Variants in FOXP2 observed in about 807,000 individuals in gnomAD.
FOXP2 encodes the protein forkhead box protein P2.
A neutral mutation model predicts 115.8 loss-of-function variants in FOXP2; 12 were observed. The ratio of observed to expected loss-of-function variants is 0.10; its 90% CI spans 0.07 to 0.17. FOXP2 has a LOEUF of 0.17. FOXP2 is among the 10% of genes least tolerant of loss of function. FOXP2 has a pLI of 1.00. For missense variants in FOXP2, 629 were observed against 843.5 expected, an observed-to-expected ratio of 0.75 and a Z score of 3.15; for synonymous variants, 328 against 297.7, an observed-to-expected ratio of 1.10 and a Z score of -1.05.
intron 2 of FOXP2, among the ~76,000 whole-genome samples, chr7:114,399,228 C>G (rs937030839): frequency 1.3e-5 from 2 of 151,826 alleles, no homozygotes; most frequent in Non-Finnish European, 2.9e-5. Flanking sequence ...CTGACTCAGC[C>G]TCCCGAGTAG....
At chr7:114,643,089 G>A (rs1388191761) in intron 7 of FOXP2, among the ~76,000 whole-genome samples, 2 of 151,774 alleles carry the variant, frequency 1.3e-5, no homozygotes, top group African/African-American at 2.4e-5. Context: ...GGGATTACAG[G>A]CGTGAGCCAC....
At chr7:114,419,079 T>C (rs1334587572) in intron 1 of FOXP2, among the ~76,000 whole-genome samples, 1 of 151,976 alleles carries the variant, frequency 6.6e-6, no homozygotes, top group Non-Finnish European at 1.5e-5. Flanking sequence ...AAATGCTAAG[T>C]TACAGAATAC....
chr7:114,599,932 T>C (rs1802931713), intron 3 of FOXP2, among the ~76,000 whole-genome samples: 1 of 152,112 alleles, frequency 6.6e-6, no homozygotes, highest in Admixed American at 6.6e-5. Flanking sequence ...TCCCTTATAC[T>C]CCCTCTTCCA....
chr7:114,330,801 A>G (rs1407129995), intron 2 of FOXP2, among the ~76,000 whole-genome samples: 2 of 152,156 alleles, frequency 1.3e-5, no homozygotes, highest in Non-Finnish European at 1.5e-5. Context: ...ATATCTGTTT[A>G]TAGTTTCGAT....
At chr7:114,526,977 G>C (rs1584853712) in intron 2 of FOXP2, among the ~76,000 whole-genome samples, 1 of 143,822 alleles carries the variant, frequency 7.0e-6, no homozygotes, top group African/African-American at 2.6e-5. Flanking sequence ...CTGGGCCCTT[G>C]TAACCACTAA....
chr7:114,298,394 T>C (rs1033898539), intron 2 of FOXP2, among the ~76,000 whole-genome samples: 1 of 152,216 alleles, frequency 6.6e-6, no homozygotes, highest in Non-Finnish European at 1.5e-5. Flanking sequence ...TTGATATTAC[T>C]GTCTGGTCTC....
In FOXP2 at chr7:114,691,800, C is replaced by G. The variant is rs1274946808; in HGVS notation, c.*1874C>G. On this transcript the variant is annotated 3_prime_UTR_variant, in exon 17 of 17. Transcript: ENST00000350908. ...TTGCAAACTAAGCTCATCATTGATT[C>G]TTTGCTGAAGTCAGCAAATAGAGTT... is the stretch of plus-strand genomic sequence containing the variant. 1 of 453,344 alleles carries G rather than the reference C, an allele frequency of 2.2e-6. No homozygotes were observed. 28.1% of individuals were successfully genotyped at this position (453,344 alleles called of 1,614,324 possible).
chr7:114,186,571 G>T (rs989322008), intron 1 of FOXP2, among the ~76,000 whole-genome samples: 1 of 152,096 alleles, frequency 6.6e-6, no homozygotes, highest in Non-Finnish European at 1.5e-5. Context: ...GAATCAGCCC[G>T]CATAACAGCC....
intron 2 of FOXP2, among the ~76,000 whole-genome samples, chr7:114,453,770 G>T (rs961129458): frequency 7.2e-5 from 11 of 152,150 alleles, no homozygotes; most frequent in African/African-American, 2.6e-4. Context: ...AATGGGGAAA[G>T]GATTCCCTAT....
chr7:114,440,392 T>C (rs1047434165), intron 2 of FOXP2, among the ~76,000 whole-genome samples: 1 of 152,202 alleles, frequency 6.6e-6, no homozygotes, highest in Non-Finnish European at 1.5e-5. Flanking sequence ...AATGTATGAG[T>C]GAAAACTTCA....
chr7:114,222,980 A>G (rs1362466518), intron 1 of FOXP2, among the ~76,000 whole-genome samples: 2 of 152,214 alleles, frequency 1.3e-5, no homozygotes, highest in Non-Finnish European at 2.9e-5. Flanking sequence ...TTGTATAATT[A>G]TCCCACAATT....
At chr7:114,281,019 A>T (rs2129174808) in intron 1 of FOXP2, among the ~76,000 whole-genome samples, 1 of 151,996 alleles carries the variant, frequency 6.6e-6, no homozygotes, top group Middle Eastern at 3.4e-3. Context: ...TCTCTAGCAG[A>T]TCATAAACTT....
At position 114,227,948 on chromosome 7, in the gene FOXP2, G is replaced by A. The variant is rs114634681; in HGVS notation, c.-101-60071G>A. The stretch of plus-strand genomic sequence containing the variant: ...ATATGTAATATCACAGCAAACCAAT[G>A]GTCCTGTGGATACTGAAGATGTGAT... On this transcript the variant is annotated intron_variant, in intron 1 of 17. Transcript: ENST00000634411. Among the ~76,000 whole-genome samples, 951 of 151,990 alleles carry A rather than the reference G, an allele frequency of 6.3e-3. 13 individuals are homozygous for A. The highest frequency in any genetic ancestry group is 0.022 in the African/African-American group (913 of 41,532).
At chr7:114,131,397 C>T (rs1023620004) in intron 1 of FOXP2, among the ~76,000 whole-genome samples, 6 of 152,104 alleles carry the variant, frequency 3.9e-5, no homozygotes, top group Non-Finnish European at 8.8e-5. Flanking sequence ...CTCATGCCCC[C>T]TTATGCCCAT....
intron 1 of FOXP2, among the ~76,000 whole-genome samples, chr7:114,164,085 G>T (rs1792908551): frequency 6.6e-6 from 1 of 152,116 alleles, no homozygotes; most frequent in Non-Finnish European, 1.5e-5. Context: ...CTGATGGAGT[G>T]GTCCAAGTGG....
chr7:114,634,403 T>A (rs980711975), intron 6 of FOXP2, among the ~76,000 whole-genome samples: 1 of 152,050 alleles, frequency 6.6e-6, no homozygotes, highest in African/African-American at 2.4e-5. Flanking sequence ...TATATAACAA[T>A]GAGAAATAAT....
chr7:114,384,254 C>T (rs1337600078), intron 2 of FOXP2, among the ~76,000 whole-genome samples: 3 of 152,190 alleles, frequency 2.0e-5, no homozygotes, highest in Non-Finnish European at 4.4e-5. Flanking sequence ...AGTCCTAGAG[C>T]TGGGCTGGGT....
rs183306819 is a variant in FOXP2 at position 114,323,024 on chromosome 7, A to T, written c.-11+34915A>T. ...TTATACCTAACTCATTAATATTCTTAGTTCCATATTTTATATTCAAATTTA... is the reference window on the plus strand; with the variant it reads ...TTATACCTAACTCATTAATATTCTTTGTTCCATATTTTATATTCAAATTTA... On this transcript the variant is annotated intron_variant, in intron 2 of 17. Coordinates refer to the FOXP2 transcript ENST00000634411. Among the ~76,000 whole-genome samples the T allele has an allele frequency of 1.2e-3, 182 of 152,256 alleles. 4 individuals are homozygous for T. The highest frequency in any genetic ancestry group is 8.7e-3 in the Admixed American group (133 of 15,288).
At chr7:114,176,326 TTTTC>T (rs1793308401) in intron 1 of FOXP2, among the ~76,000 whole-genome samples, 9 of 127,214 alleles carry the variant, frequency 7.1e-5, no homozygotes, top group Non-Finnish European at 1.4e-4. Flanking sequence ...CTCTCTTTCT[TTTTC>T]TTTCTTTCTC....
Sources: gnomAD v4.1 joint callset for allele counts (sites outside exome capture counted in the v4.1 genomes callset) on GRCh38, gnomAD v4.1.1 for gene constraint, MANE v1.5 for transcripts, NCBI Gene and HGNC (gene_info 2026-07-23, HGNC 2026-07-21) for gene names.